The following SH3PXD2B variants were observed in gnomAD, a reference collection of about 807,000 sequenced individuals.
SH3PXD2B encodes SH3 and PX domain-containing protein 2B.
Under a neutral mutation model 73.1 loss-of-function variants are expected in SH3PXD2B, and 37 were observed. The ratio of observed to expected loss-of-function variants is 0.51; its 90% CI spans 0.39 to 0.67. The LOEUF is 0.67. Among genes scored for constraint, SH3PXD2B ranks in the 30% least tolerant of loss-of-function variants. The pLI is 0.00. For missense variants in SH3PXD2B, 1,053 were observed against 1,197.8 expected, an observed-to-expected ratio of 0.88 and a Z score of 1.78; for synonymous variants, 457 against 480.5, an observed-to-expected ratio of 0.95 and a Z score of 0.64.
chr5:172,433,007 C>T (rs377359596), intron 1 of SH3PXD2B, among the ~76,000 whole-genome samples: 3 of 151,896 alleles, frequency 2.0e-5, no homozygotes, highest in Non-Finnish European at 4.4e-5. Context: ...CACACAGTTA[C>T]GCACCACCTA....
Position 172,339,104 on chromosome 5 carries a change from C to T in SH3PXD2B, c.2001G>A (p.Arg667=). Residue 667 remains arginine, a synonymous_variant, in exon 13 of 13, where the codon AGG becomes AGA. Transcript: ENST00000311601. This position sits in a 1 kb window ranked among gnomAD's most constrained non-coding sequence, Gnocchi z 6.1. ...GEDQVDICNL[R]SKLRPAKSQD... ...GGGACTTGGCAGGCCTGAGCTTACT[C>T]CTGAGGTTGCAGATGTCGACTTGGT... The T allele has an allele frequency of 1.2e-6, 2 of 1,614,216 alleles. No individual in the cohort carries two copies. Among genetic ancestry groups the T allele is most frequent in the Admixed American group, 1.7e-5 (1 of 60,028 alleles).
In SH3PXD2B at chr5:172,337,739, A is replaced by G. The variant is rs2113247442; in HGVS notation, c.*630T>C. The G allele has an allele frequency of 3.0e-6, 3 of 993,514 alleles. No individual in the cohort carries two copies. The highest frequency in any genetic ancestry group is 3.6e-6 in the Non-Finnish European group (3 of 834,756). 61.5% of individuals were successfully genotyped at this position (993,514 alleles called of 1,614,324 possible). ...TAGAAGGTGGGAGGCAGGGCGGCTG[A>G]GCGGATCTCCAGGCCCACTCCTGGG... On this transcript the variant is annotated 3_prime_UTR_variant, in exon 13 of 13. Transcript: ENST00000311601.
At chr5:172,382,862 G>C (rs963846027) in intron 4 of SH3PXD2B, among the ~76,000 whole-genome samples, 1 of 151,526 alleles carries the variant, frequency 6.6e-6, no homozygotes, top group Non-Finnish European at 1.5e-5. Flanking sequence ...CTGAGTAGCT[G>C]GGATTATAGG....
rs80086208 is a variant in SH3PXD2B at position 172,328,190 on chromosome 5, G to A, written c.1189-2810C>T. 3.9e-4 allele frequency among the ~76,000 whole-genome samples: 58 copies of A among 149,292 alleles called. 1 individual carries two copies. In the East Asian group the frequency reaches 0.012, roughly 30 times the overall value. ...CACTCAGGCTGGAGTACAATGGCGT[G>A]GTCTCAGCTCACTGCAACCTCTGCC... is the stretch of plus-strand genomic sequence containing the variant. On this transcript the variant is annotated intron_variant, in intron 12 of 12. Coordinates refer to the SH3PXD2B transcript ENST00000519643.
chr5:172,338,641 C>G lies in SH3PXD2B; in HGVS notation c.2464G>C (p.Gly822Arg). ...CCGGTCCCCCATGGCCCCAGGCTGC[C>G]TTTGCCTCGCGTGTCATCCTGGCCC... is the stretch of plus-strand genomic sequence containing the variant. ...LGGQDDTRGK[G>R]SLGPWGTGKI... The change falls in exon 13 of 13, where the codon GGC becomes CGC. Residue 822 changes from glycine to arginine, a missense_variant. By Grantham distance (125) the Gly-to-Arg change is moderately radical (BLOSUM62 -2). This residue lies in a region of SH3PXD2B where 587 missense variants were observed against 590.7 expected (regional missense o/e 0.99). Coordinates refer to ENST00000311601, the MANE Select transcript of SH3PXD2B (RefSeq NM_001017995.3). The surrounding 1 kb of genome is among the most constrained non-coding windows in gnomAD (Gnocchi z 5.1). The G allele has an allele frequency of 6.2e-7, 1 of 1,614,188 alleles. No individual in the cohort carries two copies. The highest frequency in any genetic ancestry group is 8.5e-7 in the Non-Finnish European group (1 of 1,180,016).
intron 1 of SH3PXD2B, among the ~76,000 whole-genome samples, chr5:172,431,806 CTA>C (rs932619098): frequency 2.0e-5 from 3 of 152,230 alleles, no homozygotes; most frequent in African/African-American, 4.8e-5. Context: ...TCTTTCGAGC[CTA>C]TGTTTTGTTT....
chr5:172,395,844 G>C (rs758593528), intron 3 of SH3PXD2B, among the ~76,000 whole-genome samples: 1 of 152,110 alleles, frequency 6.6e-6, no homozygotes, highest in Non-Finnish European at 1.5e-5. Context: ...TCAAGGGGAA[G>C]GTGTGGGAGG....
At chr5:172,429,680 G>T (rs1483760372) in intron 1 of SH3PXD2B, among the ~76,000 whole-genome samples, 1 of 152,158 alleles carries the variant, frequency 6.6e-6, no homozygotes, top group Admixed American at 6.5e-5. Context: ...GTGGGTAGAT[G>T]GCTGAACTTG....
At chr5:172,354,212 T>C (rs1757223467) in intron 8 of SH3PXD2B, among the ~76,000 whole-genome samples, 1 of 137,212 alleles carries the variant, frequency 7.3e-6, no homozygotes, top group African/African-American at 2.8e-5. Flanking sequence ...CCTCTGAAAC[T>C]CCTCAGCGCC....
At chr5:172,417,438 T>G (rs1202603501) in intron 2 of SH3PXD2B, among the ~76,000 whole-genome samples, 1 of 152,206 alleles carries the variant, frequency 6.6e-6, no homozygotes, top group Non-Finnish European at 1.5e-5. Context: ...TGATGTGTGG[T>G]GCCTAGATCC....
intron 1 of SH3PXD2B, among the ~76,000 whole-genome samples, chr5:172,446,809 G>C (rs1360157272): frequency 6.6e-6 from 1 of 152,242 alleles, no homozygotes; most frequent in Non-Finnish European, 1.5e-5. Context: ...CTATTTGGCT[G>C]CAAGCACGAT....
intron 5 of SH3PXD2B, among the ~76,000 whole-genome samples, chr5:172,381,077 A>G (rs969990152): frequency 6.6e-6 from 1 of 152,222 alleles, no homozygotes; most frequent in African/African-American, 2.4e-5. Context: ...ATCATTTCCA[A>G]AAGGGAGCAT....
chr5:172,354,853 C>G (rs529467965), intron 8 of SH3PXD2B, among the ~76,000 whole-genome samples: 29 of 152,324 alleles, frequency 1.9e-4, no homozygotes, highest in Admixed American at 5.9e-4. Flanking sequence ...AACTGTGGGA[C>G]CATCCTTATG....
intron 4 of SH3PXD2B, among the ~76,000 whole-genome samples, chr5:172,386,585 G>GTTTTTAT (rs55863000): frequency 0.51 from 76,777 of 151,232 alleles, 20,950 homozygotes; most frequent in East Asian, 0.71. Context: ...TTGTTTTATT[G>GTTTTTAT]TTTTTATTTT....
intron 1 of SH3PXD2B, among the ~76,000 whole-genome samples, chr5:172,429,949 G>A (rs1051050131): frequency 6.6e-6 from 1 of 152,164 alleles, no homozygotes; most frequent in African/African-American, 2.4e-5. Flanking sequence ...GTTCTGCGAG[G>A]CTGTGGAGTT....
intron 7 of SH3PXD2B, among the ~76,000 whole-genome samples, chr5:172,361,584 G>A (rs371835558): frequency 6.6e-6 from 1 of 152,178 alleles, no homozygotes; most frequent in Non-Finnish European, 1.5e-5. Context: ...CCCCATGGTT[G>A]TGTCCTAGCC....
rs142128260 is a variant in SH3PXD2B, at chr5:172,379,190, C to T, written c.401+2846G>A. 2.2e-3 allele frequency among the ~76,000 whole-genome samples: 325 copies of T among 150,600 alleles called. 2 individuals carry two copies. Among genetic ancestry groups the T allele is most frequent in the African/African-American group, 7.3e-3 (300 of 40,906 alleles). ...GCTTTAGGGGTAATTAGGTCATAAACGTGGAGCCCCCCGGATAGGATTAGC... is the reference window on the plus strand; with the variant it reads ...GCTTTAGGGGTAATTAGGTCATAAATGTGGAGCCCCCCGGATAGGATTAGC... On this transcript the variant is annotated intron_variant, in intron 5 of 12. Coordinates refer to ENST00000311601, the MANE Select transcript of SH3PXD2B (RefSeq NM_001017995.3).
intron 3 of SH3PXD2B, among the ~76,000 whole-genome samples, chr5:172,398,139 C>G (rs1485125496): frequency 6.6e-6 from 1 of 152,228 alleles, no homozygotes; most frequent in Non-Finnish European, 1.5e-5. Flanking sequence ...AGAAATCAGG[C>G]AAGTGGCGGA....
In SH3PXD2B at chr5:172,334,294, C is replaced by CCAGCTCTG. The variant is rs947137002; in HGVS notation, c.*4067_*4074dup. ...GGCAAGGACTGTGGAGCCTCCGGTT[C>CCAGCTCTG]CAGCTCTGCAGCTCTGCCTGGGACC... On this transcript the variant is annotated 3_prime_UTR_variant, in exon 13 of 13. Coordinates refer to ENST00000311601, the MANE Select transcript of SH3PXD2B (RefSeq NM_001017995.3). 63 of 1,000,026 alleles carry CCAGCTCTG rather than the reference C, an allele frequency of 6.3e-5. No homozygotes were observed. In the South Asian group the frequency reaches 2.3e-3, roughly 36 times the overall value. The allele number at this position is 1,000,026 out of a possible 1,614,324, so 61.9% of individuals were successfully genotyped here.
Sources: gnomAD v4.1 joint callset for allele counts (sites outside exome capture counted in the v4.1 genomes callset) on GRCh38, gnomAD v4.1.1 for gene constraint, gnomAD v4.1.1 regional missense constraint, Gnocchi (gnomAD v3.1) non-coding constraint, MANE v1.5 for transcripts, NCBI Gene and HGNC (gene_info 2026-07-23, HGNC 2026-07-21) for gene names.